CRYBG3: variants seen among roughly 807,000 people sequenced by gnomAD.
CRYBG3 encodes the protein very large A-kinase anchor protein.
CRYBG3 carries 127 observed loss-of-function variants against 244.2 expected under a neutral mutation model. The observed-to-expected ratio is 0.52, with a 90% CI of 0.45 to 0.60. CRYBG3 has a LOEUF of 0.60. Ranked by LOEUF, CRYBG3 falls within the 20% of genes least tolerant of loss-of-function variation. CRYBG3 has a pLI of 0.00. For synonymous variants in CRYBG3, 1,132 were observed against 1,195.8 expected, an observed-to-expected ratio of 0.95 and a Z score of 1.10; for missense variants, 3,325 against 3,442.5, an observed-to-expected ratio of 0.97 and a Z score of 0.85.
intron 21 of CRYBG3, 58 bp downstream of exon 21, chr3:97,942,501 C>A: frequency 6.9e-7 from 1 of 1,450,180 alleles, no homozygotes; most frequent in Non-Finnish European, 9.3e-7. Context: ...AGTTCCAAAT[C>A]TCCTCATTTT....
At position 97,872,233 on chromosome 3, in the gene CRYBG3, T is replaced by G; in HGVS notation, c.1039T>G (p.Ser347Ala). Residue 347 changes from serine (S) to alanine (A), a missense_variant, in exon 4 of 22, where the codon TCC becomes GCC. Ser to Ala is a moderately conservative substitution (Grantham distance 99, BLOSUM62 1). Around this residue, in one of 4 missense-constraint regions of CRYBG3, gnomAD observed 1,526 missense variants for 1,443.2 expected, o/e 1.06. Transcript: ENST00000389622. ...GGGGAGTATTGAGAGAAATAGGTCA[T>G]CCCCTTCTTCTGTGACTAACTCCAG... ...AWGSIERNRS[S>A]PSSVTNSSYD... 6.5e-7 allele frequency: 1 copy of G among 1,535,846 alleles called. No individual in the cohort carries two copies. Among genetic ancestry groups the G allele is most frequent in the Non-Finnish European group, 8.7e-7 (1 of 1,146,728 alleles).
At chr3:97,897,661 A>G (rs2039654840) in intron 12 of CRYBG3, among the ~76,000 whole-genome samples, 1 of 152,168 alleles carries the variant, frequency 6.6e-6, no homozygotes, top group African/African-American at 2.4e-5. Flanking sequence ...ATGAAGTAAA[A>G]GGCTTATTAA....
chr3:97,878,752 G>A (rs752999785), intron 4 of CRYBG3, among the ~76,000 whole-genome samples: 1 of 152,102 alleles, frequency 6.6e-6, no homozygotes, highest in Non-Finnish European at 1.5e-5. Flanking sequence ...CAGCAGCCTC[G>A]CACTACAACA....
chr3:97,867,233 ATTAT>A (rs1374712268), intron 3 of CRYBG3: 2 of 152,140 alleles, frequency 1.3e-5, no homozygotes, highest in Non-Finnish European at 2.9e-5. Context: ...TTTTGAAAAA[ATTAT>A]TTACTACTTT....
intron 17 of CRYBG3, chr3:97,924,362 A>C: frequency 2.2e-6 from 1 of 451,178 alleles, no homozygotes; most frequent in Non-Finnish European, 4.4e-6. Flanking sequence ...ATGATACTGC[A>C]GTAGGATGGA....
intron 3 of CRYBG3, among the ~76,000 whole-genome samples, chr3:97,865,360 A>G (rs1405456702): frequency 6.6e-6 from 1 of 152,194 alleles, no homozygotes; most frequent in East Asian, 1.9e-4. Context: ...TGAAGAAGCC[A>G]TCAAAAATAT....
At chr3:97,939,056 G>C (rs936348303) in intron 19 of CRYBG3, among the ~76,000 whole-genome samples, 2 of 151,938 alleles carry the variant, frequency 1.3e-5, no homozygotes, top group African/African-American at 4.8e-5. Context: ...GACTTTAGTA[G>C]CCAAGTTCAA....
rs140044839 is a variant in CRYBG3, at chr3:97,924,671, T to A, written c.8241+8935T>A. On this transcript the variant is annotated intron_variant, in intron 17 of 21. Coordinates refer to ENST00000389622, the MANE Select transcript of CRYBG3 (RefSeq NM_153605.4). Reference sequence around the variant, plus strand: ...GACCTTCTTTCATCTTCAAAGTGCATCACTCTAGTCTCTGCTCTTTATCTG... The same window carrying A: ...GACCTTCTTTCATCTTCAAAGTGCAACACTCTAGTCTCTGCTCTTTATCTG... Among the ~76,000 whole-genome samples the A allele has an allele frequency of 5.9e-5, 9 of 152,218 alleles. 1 individual carries two copies. Among genetic ancestry groups the A allele is most frequent in the African/African-American group, 2.2e-4 (9 of 41,570 alleles).
At position 97,877,224 on chromosome 3, in the gene CRYBG3, G is replaced by A. The variant is rs367702087; in HGVS notation, c.6030G>A (p.Glu2010=). 2.2e-5 allele frequency: 35 copies of A among 1,613,958 alleles called. No homozygotes were observed. The Admixed American group carries it at 2.7e-4, about 12-fold the overall frequency. ...TATACGAAGAGCCCCTTCAAGAGGA[G>A]GACAAGTATGCTTCCGCAGAAGCAA... ...TILYEEPLQE[E]DKYASAEARQ... Residue 2010 remains glutamate (E), a synonymous_variant, in exon 4 of 22, where the codon GAG becomes GAA. Coordinates refer to ENST00000389622, the MANE Select transcript of CRYBG3 (RefSeq NM_153605.4).
At position 97,876,669 on chromosome 3, in the gene CRYBG3, C is replaced by G. The variant is rs763801284; in HGVS notation, c.5475C>G (p.Cys1825Trp). ...CCCCCTTAGAAATGGAAAAAGCATG[C>G]AAGAGAGATGTTAAAGAGACTATTG... ...APAPLEMEKA[C>W]KRDVKETIGA... The change falls in exon 4 of 22, where the codon TGC (cysteine) becomes TGG (tryptophan). Residue 1825 changes from cysteine (C) to tryptophan (W), a missense_variant. Coordinates refer to ENST00000389622, the MANE Select transcript of CRYBG3 (RefSeq NM_153605.4). 91 of 1,236,698 alleles carry G rather than the reference C, an allele frequency of 7.4e-5. No individual in the cohort carries two copies. Among genetic ancestry groups the G allele is most frequent in the Non-Finnish European group, 9.2e-5 (91 of 991,170 alleles). The allele number at this position is 1,236,698 out of a possible 1,614,324, so 76.6% of individuals were successfully genotyped here. A position where few individuals can be genotyped will look rare whatever the true frequency, so the allele number is the denominator to read the frequency against.
rs1157704774 is a variant in CRYBG3, at chr3:97,944,011, C to G, written c.*697C>G. 2.0e-5 allele frequency: 3 copies of G among 151,734 alleles called. No homozygotes were observed. The highest frequency in any genetic ancestry group is 4.4e-5 in the Non-Finnish European group (3 of 67,880). The allele number at this position is 151,734 out of a possible 1,614,324, so 9.4% of individuals were successfully genotyped here. On this transcript the variant is annotated 3_prime_UTR_variant, in exon 22 of 22. Coordinates refer to ENST00000389622, the MANE Select transcript of CRYBG3 (RefSeq NM_153605.4). ...ACCTATGGCCAAACTTGCACTGTTA[C>G]GTGTTAACCAAGACATCCCTTTAGG...
Position 97,877,510 on chromosome 3 carries a change from G to C in CRYBG3, c.6316G>C (p.Gly2106Arg). ...EDILSSEVSP[G>R]HHGPRKSRDS... is the part of the protein sequence containing the mutation. ...CATTCTATCTAGTGAGGTTTCACCT[G>C]GTCACCATGGCCCCAGGAAATCAAG... Residue 2106 changes from glycine to arginine, a missense_variant, in exon 4 of 22, where the codon GGT becomes CGT. By Grantham distance (125) the Gly-to-Arg change is moderately radical (BLOSUM62 -2). Transcript: ENST00000389622. The C allele has an allele frequency of 6.2e-7, 1 of 1,614,058 alleles. No homozygotes were observed.
chr3:97,893,614 A>T (rs530442062), intron 11 of CRYBG3, among the ~76,000 whole-genome samples: 1 of 152,236 alleles, frequency 6.6e-6, no homozygotes, highest in African/African-American at 2.4e-5. Flanking sequence ...AGGTGAAACA[A>T]TGAAGAAGAA....
intron 3 of CRYBG3, among the ~76,000 whole-genome samples, chr3:97,865,503 C>T (rs1009091386): frequency 6.6e-6 from 1 of 152,164 alleles, no homozygotes; most frequent in African/African-American, 2.4e-5. Context: ...GATTTAGGCA[C>T]AGACCTCTCT....
At position 97,875,019 on chromosome 3, in the gene CRYBG3, G is replaced by GA; in HGVS notation, c.3827dup (p.Pro1277AlafsTer9). 12 of 1,535,814 alleles carry GA rather than the reference G, an allele frequency of 7.8e-6. No homozygotes were observed. The highest frequency in any genetic ancestry group is 9.6e-6 in the Non-Finnish European group (11 of 1,146,782). ...TGGAAAACATGTCAGAAGTCAAAGA[G>GA]AAGCCCTGTGTTTCACCAACAGTTG... is the stretch of plus-strand genomic sequence containing the variant. On this transcript the variant is annotated frameshift_variant, in exon 4 of 22. Transcript: ENST00000389622. LOFTEE classifies it high-confidence loss of function.
At chr3:97,853,476 G>A (rs1175542391) in intron 2 of CRYBG3, among the ~76,000 whole-genome samples, 1 of 151,588 alleles carries the variant, frequency 6.6e-6, no homozygotes, top group Admixed American at 6.6e-5. Flanking sequence ...CATTTAGGCT[G>A]GTTCCATATT....
chr3:97,872,048 C>T lies in CRYBG3; in HGVS notation c.854C>T (p.Ser285Leu). The T allele has an allele frequency of 6.5e-7, 1 of 1,535,602 alleles. No individual in the cohort carries two copies. The highest frequency in any genetic ancestry group is 2.4e-5 in the East Asian group (1 of 40,918). Residue 285 changes from serine (S) to leucine (L), a missense_variant, in exon 4 of 22, where the codon TCA becomes TTA. Ser to Leu is a moderately radical substitution (Grantham distance 145). Transcript: ENST00000389622. ...IEAGVLPLLL[S>L]ASTDSSMKGN... ...GCTGGGGTACTGCCACTGTTGTTAT[C>T]AGCTAGTACAGACTCATCTATGAAA...
At chr3:97,907,547 GTA>G (rs1340865778) in intron 15 of CRYBG3, among the ~76,000 whole-genome samples, 2 of 148,834 alleles carry the variant, frequency 1.3e-5, no homozygotes, top group African/African-American at 2.5e-5. Flanking sequence ...GGTGTTTGTA[GTA>G]TTCTCTGATG....
Position 97,876,516 on chromosome 3 carries a change from C to T in CRYBG3, c.5322C>T (p.Thr1774=), listed in dbSNP as rs965449631. The change falls in exon 4 of 22, where the codon ACC becomes ACT. Residue 1774 remains threonine (T), a synonymous_variant. Coordinates refer to ENST00000389622, the MANE Select transcript of CRYBG3 (RefSeq NM_153605.4). ...ACCAAAAAAATGCCAAAGGTTTTACCGGGAACACTGAAGGGTCTGTGTTGA... is the reference window on the plus strand; with the variant it reads ...ACCAAAAAAATGCCAAAGGTTTTACTGGGAACACTGAAGGGTCTGTGTTGA... ...NTYQKNAKGF[T]GNTEGSVLKM... is the part of the protein sequence containing the mutation. 9 of 1,232,066 alleles carry T rather than the reference C, an allele frequency of 7.3e-6. No homozygotes were observed. The highest frequency in any genetic ancestry group is 1.6e-5 in the African/African-American group (1 of 64,500). 76.3% of individuals were successfully genotyped at this position (1,232,066 alleles called of 1,614,324 possible).
Sources: gnomAD v4.1 joint callset for allele counts (sites outside exome capture counted in the v4.1 genomes callset) on GRCh38, gnomAD v4.1.1 for gene constraint, gnomAD v4.1.1 regional missense constraint, MANE v1.5 for transcripts, NCBI Gene and HGNC (gene_info 2026-07-23, HGNC 2026-07-21) for gene names.